UGT1A3: variants seen among roughly 807,000 people sequenced by gnomAD.
UGT1A3 encodes UDP-glucuronosyltransferase 1A3.
UGT1A3 carries 31 observed loss-of-function variants against 41.0 expected under a neutral mutation model. That is an observed-to-expected ratio of 0.76 (90% CI 0.57 to 1.02). The LOEUF (loss-of-function observed/expected upper bound fraction) is 1.02. Ranked by LOEUF, UGT1A3 falls within the 50% of genes least tolerant of loss-of-function variation. The pLI, the probability that UGT1A3 is intolerant of heterozygous loss-of-function variation, is 0.00. For missense variants in UGT1A3, 737 were observed against 671.0 expected (o/e 1.10, Z -1.09); for synonymous variants, 262 against 257.6 (o/e 1.02, Z -0.17).
chr2:233,750,363 A>C (rs1694437440), intron 1 of UGT1A3, among the ~76,000 whole-genome samples: 1 of 151,980 alleles, frequency 6.6e-6, no homozygotes, highest in African/African-American at 2.4e-5. Context: ...TATGTTTAAA[A>C]GGGAAGCAGA....
At chr2:233,766,979 T>C in intron 1 of UGT1A3, 55 bp from the exon 2 acceptor site, 1 of 1,612,672 alleles carries the variant, frequency 6.2e-7, no homozygotes, top group Non-Finnish European at 8.5e-7. Flanking sequence ...TTACTGTATG[T>C]AGTCATCAAA....
At chr2:233,735,635 G>T (rs1575610162) in intron 1 of UGT1A3, among the ~76,000 whole-genome samples, 2 of 152,280 alleles carry the variant, frequency 1.3e-5, no homozygotes, top group East Asian at 3.9e-4. Flanking sequence ...GCATGTTTTT[G>T]CAGTGGCTGG....
intron 1 of UGT1A3, 99 bp downstream of exon 1, chr2:233,730,092 A>G: frequency 1.3e-6 from 2 of 1,595,278 alleles, no homozygotes. Context: ...TTATCTTTCC[A>G]AATATTTCAT....
At chr2:233,743,187 A>G (rs904489240) in intron 1 of UGT1A3, 11 of 373,380 alleles carry the variant, frequency 2.9e-5, no homozygotes, top group Middle Eastern at 3.7e-4. Flanking sequence ...GTGGACTGGA[A>G]TTACTTGGTG....
chr2:233,731,334 T>C (rs1331182525), intron 1 of UGT1A3, among the ~76,000 whole-genome samples: 1 of 151,782 alleles, frequency 6.6e-6, no homozygotes, highest in African/African-American at 2.4e-5. Context: ...TGTGCACAAA[T>C]TGCAGGTTTG....
chr2:233,769,576 T>C lies in UGT1A3; in HGVS notation c.1307+1137T>C. The C allele has an allele frequency of 3.1e-6, 5 of 1,612,860 alleles. No individual in the cohort carries two copies. Among genetic ancestry groups the C allele is most frequent in the Non-Finnish European group, 4.2e-6 (5 of 1,179,860 alleles). ...GACAGATGTGAAGAGCTGGAGCATG[T>C]TCAGATGAGAGGAGACGGAACACGG... On this transcript the variant is annotated intron_variant, in intron 4 of 4. Coordinates refer to ENST00000482026, the MANE Select transcript of UGT1A3 (RefSeq NM_019093.4). The surrounding 1 kb of genome is among the most constrained non-coding windows in gnomAD (Gnocchi z 4.4).
At chr2:233,762,434 G>T (rs1698074575) in intron 1 of UGT1A3, among the ~76,000 whole-genome samples, 1 of 152,184 alleles carries the variant, frequency 6.6e-6, no homozygotes, top group Non-Finnish European at 1.5e-5. Flanking sequence ...GAGTAACAGT[G>T]TATTCCCACT....
intron 1 of UGT1A3, chr2:233,755,320 T>G: frequency 2.0e-6 from 1 of 508,264 alleles, no homozygotes; most frequent in Admixed American, 3.4e-5. Flanking sequence ...GCGGCAAGGC[T>G]GCCAGCACCC....
rs145652010 is a variant in UGT1A3 at position 233,744,794 on chromosome 2, G to C, written c.867+14801G>C. On this transcript the variant is annotated intron_variant, in intron 1 of 4. Coordinates refer to ENST00000482026, the MANE Select transcript of UGT1A3 (RefSeq NM_019093.4). ...CAAAATTCTCCTGAAAAATTCTTGG[G>C]GATCCCTAGGATTTCCTGGCTCATA... 2.6e-3 allele frequency among the ~76,000 whole-genome samples: 393 copies of C among 151,892 alleles called. 13 individuals are homozygous for C. The highest frequency in any genetic ancestry group is 8.3e-3 in the African/African-American group (341 of 41,188).
At chr2:233,747,842 G>C in intron 1 of UGT1A3, 1 of 1,613,390 alleles carries the variant, frequency 6.2e-7, no homozygotes, top group Non-Finnish European at 8.5e-7. Context: ...TCCTGCAAAG[G>C]GTCAAGAACA....
At chr2:233,743,548 C>G in intron 1 of UGT1A3, 6 of 1,367,296 alleles carry the variant, frequency 4.4e-6, no homozygotes, top group Non-Finnish European at 5.9e-6. Flanking sequence ...CTGACCCCCC[C>G]AAAATATTCT....
chr2:233,771,112 C>T (rs1345932660), intron 4 of UGT1A3: 1 of 152,184 alleles, frequency 6.6e-6, no homozygotes. Flanking sequence ...CACTAAAGCA[C>T]AAGGGATCCG....
intron 1 of UGT1A3, among the ~76,000 whole-genome samples, chr2:233,742,109 C>T (rs544656761): frequency 8.6e-5 from 13 of 151,972 alleles, no homozygotes; most frequent in Admixed American, 7.8e-4. Context: ...ACTGCCAAGA[C>T]CAGCTTGGTC....
chr2:233,749,307 G>A (rs1308092621), intron 1 of UGT1A3, among the ~76,000 whole-genome samples: 5 of 151,782 alleles, frequency 3.3e-5, no homozygotes, highest in Non-Finnish European at 7.4e-5. Context: ...TAAAATATGT[G>A]TTTATTAGAT....
chr2:233,765,693 AAAT>A (rs1266056248), intron 1 of UGT1A3, among the ~76,000 whole-genome samples: 9 of 147,360 alleles, frequency 6.1e-5, no homozygotes, highest in East Asian at 2.0e-4. Flanking sequence ...AACTTCAAGT[AAAT>A]AATAATAATA....
chr2:233,772,315 A>T lies in UGT1A3; in HGVS notation c.1361A>T (p.Glu454Val). The change falls in exon 5 of 5, where the codon GAG becomes GTG. Residue 454 changes from glutamate to valine, a missense_variant. Physicochemically the swap from Glu to Val is moderately radical, Grantham distance 121. Transcript: ENST00000482026. ...AGCCTTCACAAGGACCGCCCGGTGG[A>T]GCCGCTGGACCTGGCCGTGTTCTGG... ...LSSLHKDRPV[E>V]PLDLAVFWVE... is the part of the protein sequence containing the mutation. 1 of 1,614,114 alleles carries T rather than the reference A, an allele frequency of 6.2e-7. No individual in the cohort carries two copies. The highest frequency in any genetic ancestry group is 8.5e-7 in the Non-Finnish European group (1 of 1,180,032).
intron 4 of UGT1A3, among the ~76,000 whole-genome samples, chr2:233,768,769 A>G (rs1559416355): frequency 6.6e-6 from 1 of 151,738 alleles, no homozygotes; most frequent in Non-Finnish European, 1.5e-5. Flanking sequence ...TTTTTAGTAG[A>G]GAAAGGGTTT....
chr2:233,749,548 G>A (rs1179692892), intron 1 of UGT1A3, among the ~76,000 whole-genome samples: 1 of 151,762 alleles, frequency 6.6e-6, no homozygotes, highest in Non-Finnish European at 1.5e-5. Flanking sequence ...TAAAGAACAG[G>A]CTAATGTATT....
chr2:233,752,600 T>A (rs1023436245), intron 1 of UGT1A3: 10 of 152,076 alleles, frequency 6.6e-5, no homozygotes, highest in Admixed American at 2.6e-4. Context: ...AGATTTTTTT[T>A]AAAAAAACAT....
Sources: gnomAD v4.1 joint callset for allele counts (sites outside exome capture counted in the v4.1 genomes callset) on GRCh38, gnomAD v4.1.1 for gene constraint, Gnocchi (gnomAD v3.1) non-coding constraint, MANE v1.5 for transcripts, NCBI Gene and HGNC (gene_info 2026-07-23, HGNC 2026-07-21) for gene names.